Variants in FAM20C observed in about 807,000 individuals in gnomAD.
FAM20C encodes the protein extracellular serine/threonine protein kinase FAM20C.
A neutral mutation model predicts 51.5 loss-of-function variants in FAM20C; 40 were observed. The ratio of observed to expected loss-of-function variants is 0.78; its 90% confidence interval spans 0.60 to 1.01. The LOEUF is 1.01. Ranked by LOEUF, FAM20C falls within the 50% of genes least tolerant of loss-of-function variation. The pLI is 0.00. For missense variants in FAM20C, 861 were observed against 844.7 expected (o/e 1.02, Z -0.24); for synonymous variants, 406 against 380.6 (o/e 1.07, Z -0.78).
chr7:211,891 G>A (rs1382595943), intron 3 of FAM20C, among the ~76,000 whole-genome samples: 1 of 152,200 alleles, frequency 6.6e-6, no homozygotes, highest in Non-Finnish European at 1.5e-5. Context: ...GCGGGCGTGT[G>A]CGAACCTTTT....
At chr7:217,520 C>T (rs563344781) in intron 3 of FAM20C, among the ~76,000 whole-genome samples, 20 of 43,896 alleles carry the variant, frequency 4.6e-4, no homozygotes, top group African/African-American at 9.3e-4. Context: ...ATGGTGGCCT[C>T]GGGCTTGGCT....
At chr7:247,161 G>T (rs1196370083) in intron 4 of FAM20C, among the ~76,000 whole-genome samples, 1 of 152,224 alleles carries the variant, frequency 6.6e-6, no homozygotes, top group Non-Finnish European at 1.5e-5. Flanking sequence ...GGCCTGGGAG[G>T]CCCCACGGTC....
chr7:244,302 G>T (rs1229201170), intron 3 of FAM20C, among the ~76,000 whole-genome samples: 1 of 152,156 alleles, frequency 6.6e-6, no homozygotes, highest in African/African-American at 2.4e-5. Context: ...GTGTTCTGTG[G>T]AATGAGTTTT....
chr7:199,143 C>T (rs929295842), intron 2 of FAM20C, among the ~76,000 whole-genome samples: 7 of 152,238 alleles, frequency 4.6e-5, no homozygotes, highest in Non-Finnish European at 1.0e-4. Context: ...TTGCTGACCC[C>T]GCTTGCTGCT....
intron 3 of FAM20C, 105 bp downstream of exon 3, chr7:209,081 G>C: frequency 8.3e-7 from 1 of 1,197,688 alleles, no homozygotes; most frequent in East Asian, 2.6e-5. Flanking sequence ...AGGGTGTTTT[G>C]GGGAGACTGT....
intron 3 of FAM20C, chr7:228,836 T>C (rs1249736991): frequency 2.2e-6 from 1 of 456,052 alleles, no homozygotes; most frequent in Non-Finnish European, 4.4e-6. Context: ...AACGTGTTTG[T>C]AGTCCTGACC....
At chr7:249,281 G>A (rs1243889511) in intron 5 of FAM20C, among the ~76,000 whole-genome samples, 1 of 152,156 alleles carries the variant, frequency 6.6e-6, no homozygotes, top group African/African-American at 2.4e-5. Flanking sequence ...CCAGGCCCCT[G>A]GTCCCTGGTG....
intron 5 of FAM20C, among the ~76,000 whole-genome samples, chr7:250,208 C>T (rs1162824638): frequency 4.6e-5 from 7 of 152,198 alleles, no homozygotes; most frequent in African/African-American, 1.4e-4. Context: ...ACGGACTCTG[C>T]GCTTTCTCTT....
At chr7:245,149 G>A (rs989428123) in intron 3 of FAM20C, among the ~76,000 whole-genome samples, 4 of 152,264 alleles carry the variant, frequency 2.6e-5, no homozygotes, top group Non-Finnish European at 5.9e-5. Flanking sequence ...ATGGAAGGAA[G>A]GACCCGGCCG....
chr7:197,255 C>T (rs879723414), intron 2 of FAM20C: 12 of 167,066 alleles, frequency 7.2e-5, no homozygotes, highest in African/African-American at 1.4e-4. Flanking sequence ...GAGACACACA[C>T]GCACAGTGCC....
chr7:219,462 A>G (rs1787153275), intron 3 of FAM20C, among the ~76,000 whole-genome samples: 1 of 149,514 alleles, frequency 6.7e-6, no homozygotes, highest in South Asian at 2.1e-4. Flanking sequence ...ACGCCCAGCC[A>G]GGGCTGTCGG....
At chr7:219,341 C>G (rs1368204395) in intron 3 of FAM20C, among the ~76,000 whole-genome samples, 2 of 151,722 alleles carry the variant, frequency 1.3e-5, no homozygotes, top group Non-Finnish European at 2.9e-5. Flanking sequence ...GACACCCAGC[C>G]CAGGACAGCA....
At chr7:211,103 C>T (rs901469461) in intron 3 of FAM20C, among the ~76,000 whole-genome samples, 7 of 150,808 alleles carry the variant, frequency 4.6e-5, no homozygotes, top group Non-Finnish European at 8.9e-5. Context: ...ACCTACCCTC[C>T]GCCTCCCCCA....
chr7:258,140 GAC>G (rs1562401474), intron 8 of FAM20C, among the ~76,000 whole-genome samples: 6 of 122,288 alleles, frequency 4.9e-5, no homozygotes, highest in African/African-American at 1.6e-4. Context: ...TGGACCCACT[GAC>G]TGGGGTGCTG....
At chr7:196,943 C>A (rs947035092) in intron 2 of FAM20C, among the ~76,000 whole-genome samples, 2 of 152,102 alleles carry the variant, frequency 1.3e-5, no homozygotes, top group African/African-American at 4.8e-5. Flanking sequence ...AACCCCTGCC[C>A]CCCTCCAGGC....
intron 5 of FAM20C, among the ~76,000 whole-genome samples, chr7:249,500 G>A (rs1055954195): frequency 3.3e-5 from 5 of 152,228 alleles, no homozygotes; most frequent in Non-Finnish European, 5.9e-5. Context: ...CAGCATTTTG[G>A]GAAGCCAAGG....
At chr7:258,516 A>G in intron 8 of FAM20C, 130 bp from the exon 9 acceptor site, 1 of 844,838 alleles carries the variant, frequency 1.2e-6, no homozygotes, top group Non-Finnish European at 1.9e-6. Context: ...GGTGCTGGAG[A>G]TGGGCTGGGT....
chr7:259,813 C>G lies in FAM20C; in HGVS notation c.1588C>G (p.Arg530Gly). 2 of 1,536,452 alleles carry G rather than the reference C, an allele frequency of 1.3e-6. No individual in the cohort carries two copies. The highest frequency in any genetic ancestry group is 1.7e-6 in the Non-Finnish European group (2 of 1,146,874). The change falls in exon 10 of 10, where the codon CGG (arginine) becomes GGG (glycine). Residue 530 changes from arginine to glycine, a missense_variant. Transcript: ENST00000313766. ...KLSLLMAESL[R>G]GDQVAPVLYQ... Reference sequence around the variant, plus strand: ...GAGCCTGCTGATGGCCGAGTCTCTGCGGGGGGACCAGGTGGCACCCGTGCT... The same window carrying G: ...GAGCCTGCTGATGGCCGAGTCTCTGGGGGGGGACCAGGTGGCACCCGTGCT...
chr7:234,062 G>C (rs1401429300), intron 3 of FAM20C, among the ~76,000 whole-genome samples: 1 of 152,324 alleles, frequency 6.6e-6, no homozygotes, highest in Non-Finnish European at 1.5e-5. Context: ...CCCCCTGGGG[G>C]CTGCCTTCCT....
Sources: gnomAD v4.1 joint callset for allele counts (sites outside exome capture counted in the v4.1 genomes callset) on GRCh38, gnomAD v4.1.1 for gene constraint, MANE v1.5 for transcripts, NCBI Gene and HGNC (gene_info 2026-07-23, HGNC 2026-07-21) for gene names.